The following SHC3 variants were observed in gnomAD, a reference collection of about 807,000 sequenced individuals.
SHC3 encodes the protein SHC adaptor protein 3.
SHC3 carries 15 observed loss-of-function variants against 60.4 expected under a neutral mutation model. That is an observed-to-expected ratio of 0.25 (90% CI 0.17 to 0.38). The LOEUF is 0.38. Ranked by LOEUF, SHC3 falls within the 10% of genes least tolerant of loss-of-function variation. The pLI, the probability that SHC3 is intolerant of heterozygous loss-of-function variation, is 1.00. For missense variants in SHC3, 677 were observed against 786.1 expected, an observed-to-expected ratio of 0.86 and a Z score of 1.66; for synonymous variants, 294 against 325.9, an observed-to-expected ratio of 0.90 and a Z score of 1.05.
chr9:89,126,358 G>A (rs1021487121), intron 1 of SHC3, among the ~76,000 whole-genome samples: 8 of 152,150 alleles, frequency 5.3e-5, no homozygotes, highest in Admixed American at 3.3e-4. Flanking sequence ...GGCCCCATTC[G>A]GTAGAGTCTC....
intron 1 of SHC3, among the ~76,000 whole-genome samples, chr9:89,134,028 G>C (rs1182192727): frequency 1.3e-5 from 2 of 152,104 alleles, no homozygotes; most frequent in African/African-American, 2.4e-5. Context: ...CAGCACTTCT[G>C]TCTGGTGTCC....
At chr9:89,177,134 C>T (rs1176247007) in intron 1 of SHC3, among the ~76,000 whole-genome samples, 1 of 152,178 alleles carries the variant, frequency 6.6e-6, no homozygotes, top group Non-Finnish European at 1.5e-5. Flanking sequence ...GCTGCCCAAC[C>T]GGCAGAAGGA....
At chr9:89,168,858 T>C (rs965008998) in intron 1 of SHC3, among the ~76,000 whole-genome samples, 1 of 152,324 alleles carries the variant, frequency 6.6e-6, no homozygotes, top group East Asian at 1.9e-4. Flanking sequence ...ACAAAAAGCC[T>C]GACCCCTCCC....
At chr9:89,137,008 A>T (rs542686311) in intron 1 of SHC3, among the ~76,000 whole-genome samples, 1 of 152,268 alleles carries the variant, frequency 6.6e-6, no homozygotes, top group Non-Finnish European at 1.5e-5. Context: ...CACATCTTAC[A>T]TGCTTGGAGC....
rs1826827107 is a variant in SHC3, at chr9:89,168,797, C to T, written c.474+9190G>A. On this transcript the variant is annotated intron_variant, in intron 1 of 11. Transcript: ENST00000375835. Reference sequence around the variant, plus strand: ...AGTAATAAACTGAATAAACAGATGGCCTTCCCCAATTTGTGTGGCCCTTGT... The same window carrying T: ...AGTAATAAACTGAATAAACAGATGGTCTTCCCCAATTTGTGTGGCCCTTGT... Among the ~76,000 whole-genome samples, 2 of 152,128 alleles carry T rather than the reference C, an allele frequency of 1.3e-5. 1 individual carries two copies. The highest frequency in any genetic ancestry group is 1.3e-4 in the Admixed American group (2 of 15,280).
chr9:89,120,848 T>A (rs1027677824), intron 1 of SHC3, among the ~76,000 whole-genome samples: 2 of 151,362 alleles, frequency 1.3e-5, no homozygotes, highest in South Asian at 2.1e-4. Context: ...CCGGAAAAAA[T>A]TAATTATTTA....
chr9:89,055,162 T>A (rs1824928504), intron 6 of SHC3, among the ~76,000 whole-genome samples: 1 of 152,254 alleles, frequency 6.6e-6, no homozygotes, highest in Non-Finnish European at 1.5e-5. Flanking sequence ...TCCCGCTCCC[T>A]GAAGAATGGT....
At chr9:89,064,784 T>C (rs1254297950) in intron 6 of SHC3, among the ~76,000 whole-genome samples, 1 of 152,018 alleles carries the variant, frequency 6.6e-6, no homozygotes, top group Admixed American at 6.6e-5. Flanking sequence ...TGTATGAAAA[T>C]GTTAAAAAGA....
intron 2 of SHC3, among the ~76,000 whole-genome samples, chr9:89,089,612 A>G (rs538595172): frequency 6.6e-6 from 1 of 152,330 alleles, no homozygotes; most frequent in East Asian, 1.9e-4. Flanking sequence ...GGAAAAGTAA[A>G]CCAAAATTAA....
chr9:89,021,976 C>T (rs931608139), intron 11 of SHC3, among the ~76,000 whole-genome samples: 10 of 152,194 alleles, frequency 6.6e-5, no homozygotes, highest in Middle Eastern at 3.2e-3. Flanking sequence ...AGTCACACGA[C>T]TTGCCCGAGC....
Position 89,056,824 on chromosome 9 carries a change from A to AT in SHC3, c.836-4662dup, listed in dbSNP as rs528974692. ...AGTGGGCTGTTTGCACACTTCTGGCATAGGCCATTGCCTCGGCAAGCTTTG... is the reference window on the plus strand; with the variant it reads ...AGTGGGCTGTTTGCACACTTCTGGCATTAGGCCATTGCCTCGGCAAGCTTTG... On this transcript the variant is annotated intron_variant, in intron 6 of 11. Coordinates refer to ENST00000375835, the MANE Select transcript of SHC3 (RefSeq NM_016848.6). Among the ~76,000 whole-genome samples, 50 of 152,400 alleles carry AT rather than the reference A, an allele frequency of 3.3e-4. No homozygotes were observed. In the South Asian group the frequency reaches 9.7e-3, roughly 30 times the overall value.
At chr9:89,034,638 A>G (rs1399534019) in intron 11 of SHC3, among the ~76,000 whole-genome samples, 1 of 152,254 alleles carries the variant, frequency 6.6e-6, no homozygotes, top group African/African-American at 2.4e-5. Flanking sequence ...CTCTCCAGCA[A>G]AAATCGTCAA....
chr9:89,164,979 G>A (rs1324339464), intron 1 of SHC3, among the ~76,000 whole-genome samples: 1 of 152,162 alleles, frequency 6.6e-6, no homozygotes, highest in Admixed American at 6.5e-5. Flanking sequence ...CAAGTGGAAA[G>A]ATGAATATAG....
chr9:89,043,054 C>A (rs1028506634), intron 9 of SHC3, among the ~76,000 whole-genome samples: 1 of 152,208 alleles, frequency 6.6e-6, no homozygotes. Context: ...AACATGTTCG[C>A]AAGAACACCC....
intron 1 of SHC3, among the ~76,000 whole-genome samples, chr9:89,114,643 C>T (rs1032143333): frequency 9.2e-5 from 14 of 152,072 alleles, no homozygotes. Context: ...CCTGAAACCA[C>T]TCTGTGGATG....
At position 89,007,107 on chromosome 9, in the gene SHC3, T is replaced by C. The variant is rs1311519355; in HGVS notation, c.*6340A>G. 6.6e-6 allele frequency: 1 copy of C among 152,228 alleles called. No individual in the cohort carries two copies. The highest frequency in any genetic ancestry group is 1.5e-5 in the Non-Finnish European group (1 of 68,042). 9.4% of individuals were successfully genotyped at this position (152,228 alleles called of 1,614,324 possible). ...ACCTAGGGAAGGAGCCTGTGTGTTT[T>C]TGGCCTGAAGGATTCATCAATTCAG... On this transcript the variant is annotated 3_prime_UTR_variant, in exon 12 of 12. Coordinates refer to ENST00000375835, the MANE Select transcript of SHC3 (RefSeq NM_016848.6).
intron 3 of SHC3, among the ~76,000 whole-genome samples, chr9:89,075,938 C>T (rs2118008764): frequency 6.6e-6 from 1 of 152,236 alleles, no homozygotes; most frequent in East Asian, 1.9e-4. Flanking sequence ...GTGGGCAATG[C>T]CCTTTGGTAC....
intron 1 of SHC3, among the ~76,000 whole-genome samples, chr9:89,135,560 A>G (rs1644005824): frequency 6.6e-6 from 1 of 152,184 alleles, no homozygotes; most frequent in Non-Finnish European, 1.5e-5. Context: ...TTGCAAACAA[A>G]TCAGTCTGTT....
chr9:89,038,339 TGATAA>T, intron 10 of SHC3, 51 bp from the exon 11 acceptor site: 1 of 1,074,676 alleles, frequency 9.3e-7, no homozygotes, highest in Non-Finnish European at 1.2e-6. Flanking sequence ...GAAGAGCAAA[TGATAA>T]AAAAAAAAAA....
Sources: allele counts gnomAD v4.1 joint callset (sites outside exome capture counted in the v4.1 genomes callset), GRCh38; gene constraint gnomAD v4.1.1; transcripts MANE v1.5; gene names NCBI Gene and HGNC (gene_info 2026-07-23, HGNC 2026-07-21).